DENND5B: variants seen among roughly 807,000 people sequenced by gnomAD.
The protein encoded by DENND5B is DENN domain containing 5B, also known as DENN domain-containing protein 5B.
Under a neutral mutation model 140.6 loss-of-function variants are expected in DENND5B, and 34 were observed. The ratio of observed to expected loss-of-function variants is 0.24; its 90% confidence interval spans 0.18 to 0.32. The LOEUF (loss-of-function observed/expected upper bound fraction) is 0.32. DENND5B is among the 10% of genes least tolerant of loss of function. The pLI is 1.00. For synonymous variants in DENND5B, 551 were observed against 562.1 expected (o/e 0.98, Z 0.28); for missense variants, 1,142 against 1,560.2 (o/e 0.73, Z 4.52).
chr12:31,530,244 A>G (rs1948235204), intron 1 of DENND5B, among the ~76,000 whole-genome samples: 3 of 152,126 alleles, frequency 2.0e-5, no homozygotes, highest in Non-Finnish European at 4.4e-5. Flanking sequence ...GTGGTGGCCC[A>G]TGACTGTAGT....
At chr12:31,421,493 T>A (rs1239926920) in intron 11 of DENND5B, among the ~76,000 whole-genome samples, 1 of 152,234 alleles carries the variant, frequency 6.6e-6, no homozygotes, top group East Asian at 1.9e-4. Context: ...AACTTATTAC[T>A]TAAGAATGAG....
rs190287911 is a variant in DENND5B, at chr12:31,418,573, C to T, written c.2471-3125G>A. On this transcript the variant is annotated intron_variant, in intron 11 of 20. Transcript: ENST00000389082. ...CCTCCCAAAGTGCTGGGATTATAGG[C>T]ATGAGCCATCACACCCGGCCACAGC... Among the ~76,000 whole-genome samples, 329 of 151,628 alleles carry T rather than the reference C, an allele frequency of 2.2e-3. 3 individuals are homozygous for T. The highest frequency in any genetic ancestry group is 7.5e-3 in the African/African-American group (311 of 41,322).
intron 1 of DENND5B, among the ~76,000 whole-genome samples, chr12:31,552,668 T>A (rs893763657): frequency 6.6e-6 from 1 of 152,208 alleles, no homozygotes; most frequent in Non-Finnish European, 1.5e-5. Context: ...CTACCTCTGG[T>A]AGAATTTGGC....
rs147475007 is a variant in DENND5B, at chr12:31,440,732, A to G, written c.2012+2043T>C. Among the ~76,000 whole-genome samples the G allele has an allele frequency of 9.1e-4, 139 of 152,240 alleles. 2 individuals are homozygous for G. In the East Asian group the frequency reaches 0.02, roughly 22 times the overall value. On this transcript the variant is annotated intron_variant, in intron 7 of 20. Transcript: ENST00000389082. ...TGGAATGCAGTGATGCGATCACATC[A>G]TGGCTCACTGCAGCCTAGACCTCTC...
At chr12:31,589,108 C>T (rs1592107669) in intron 1 of DENND5B, among the ~76,000 whole-genome samples, 1 of 152,320 alleles carries the variant, frequency 6.6e-6, no homozygotes, top group Non-Finnish European at 1.5e-5. Flanking sequence ...AAGAAAAATA[C>T]AGGCTTTTTT....
At position 31,407,879 on chromosome 12, in the gene DENND5B, C is replaced by G. The variant is rs1298824656; in HGVS notation, c.2803+1384G>C. Among the ~76,000 whole-genome samples the G allele has an allele frequency of 2.0e-5, 3 of 152,184 alleles. No individual in the cohort carries two copies. In the East Asian group the frequency reaches 5.8e-4, roughly 29 times the overall value. ...CTGGTTTTCAAGTTTCTGATACTTG[C>G]AGCTAAATGCAATTCCTAATTGATA... On this transcript the variant is annotated intron_variant, in intron 14 of 20. Transcript: ENST00000389082.
chr12:31,490,350 A>G (rs545285393), intron 2 of DENND5B, among the ~76,000 whole-genome samples: 59 of 152,160 alleles, frequency 3.9e-4, no homozygotes, highest in African/African-American at 1.2e-3. Flanking sequence ...CGTGGATCAC[A>G]CCTGTAATCC....
rs1944098790 is a variant in DENND5B, at chr12:31,442,875, G to C, written c.1912C>G (p.Pro638Ala). ...CCAATTTTCATATCAAGTAGATGTG[G>C]GTGGATTGCAGTGTGATCCATTTTC... is the stretch of plus-strand genomic sequence containing the variant. ...LMKMDHTAIH[P>A]HLLDMKIGQG... The change falls in exon 7 of 21, where the codon CCA becomes GCA. Residue 638 changes from proline to alanine, a missense_variant. Pro to Ala is a conservative substitution (Grantham distance 27, BLOSUM62 -1). This residue lies in a region of DENND5B where 708 missense variants were observed against 905.5 expected (regional missense o/e 0.78). Coordinates refer to ENST00000389082, the MANE Select transcript of DENND5B (RefSeq NM_144973.4). 1.2e-6 allele frequency: 2 copies of C among 1,607,698 alleles called. No homozygotes were observed. Among genetic ancestry groups the C allele is most frequent in the African/African-American group, 2.7e-5 (2 of 74,870 alleles).
At chr12:31,561,426 A>C (rs1374142301) in intron 1 of DENND5B, among the ~76,000 whole-genome samples, 8 of 152,200 alleles carry the variant, frequency 5.3e-5, no homozygotes, top group Admixed American at 5.2e-4. Context: ...AAGTTCAAGA[A>C]CAGTCTGGGC....
chr12:31,520,244 T>C (rs1395292603), intron 1 of DENND5B, among the ~76,000 whole-genome samples: 2 of 152,254 alleles, frequency 1.3e-5, no homozygotes, highest in Non-Finnish European at 2.9e-5. Context: ...ATCAGTTTCC[T>C]GCAGATATTC....
At chr12:31,548,109 C>T (rs763680815) in intron 1 of DENND5B, among the ~76,000 whole-genome samples, 19 of 151,878 alleles carry the variant, frequency 1.3e-4, no homozygotes, top group Non-Finnish European at 2.6e-4. Context: ...CATTAGAATC[C>T]AGCCAGGCAC....
At chr12:31,428,342 CA>C (rs142549648) in intron 8 of DENND5B, among the ~76,000 whole-genome samples, 39,474 of 138,798 alleles carry the variant, frequency 0.28, 5,683 homozygotes, top group Non-Finnish European at 0.34. Context: ...GACTCCATCT[CA>C]AAAAAAAAAA....
At chr12:31,529,605 G>C (rs925288113) in intron 1 of DENND5B, among the ~76,000 whole-genome samples, 1 of 151,902 alleles carries the variant, frequency 6.6e-6, no homozygotes, top group African/African-American at 2.4e-5. Flanking sequence ...TGGGGGGATC[G>C]CTTGAGCCCT....
At chr12:31,429,742 T>G (rs1943423810) in intron 8 of DENND5B, among the ~76,000 whole-genome samples, 1 of 152,074 alleles carries the variant, frequency 6.6e-6, no homozygotes. Context: ...AGTCTCACTC[T>G]GTTGCCCAGG....
At chr12:31,469,804 GTCTGGCATCTCCC>G (rs1421571608) in intron 3 of DENND5B, among the ~76,000 whole-genome samples, 1 of 152,068 alleles carries the variant, frequency 6.6e-6, no homozygotes, top group Non-Finnish European at 1.5e-5. Context: ...ATTGAAAAGA[GTCTGGCATCTCCC>G]TCCTCTCTCT....
chr12:31,538,516 G>T (rs1948579940), intron 1 of DENND5B, among the ~76,000 whole-genome samples: 1 of 152,128 alleles, frequency 6.6e-6, no homozygotes, highest in South Asian at 2.1e-4. Context: ...ATTTAATGAT[G>T]TATATTAAAG....
In DENND5B at chr12:31,481,900, G is replaced by A. The variant is rs1009727690; in HGVS notation, c.238-1645C>T. On this transcript the variant is annotated intron_variant, in intron 2 of 20. Transcript: ENST00000389082. ...GCAGCAGGAATGTCTCAGGGCCTTG[G>A]AAGGGAGTGAGAGGCTAGAGGAAGA... 1.6e-4 allele frequency among the ~76,000 whole-genome samples: 25 copies of A among 152,158 alleles called. 1 individual carries two copies. Among genetic ancestry groups the A allele is most frequent in the Non-Finnish European group, 2.9e-5 (2 of 67,998 alleles).
At chr12:31,419,975 G>A (rs377478683) in intron 11 of DENND5B, 611 of 780,462 alleles carry the variant, frequency 7.8e-4, no homozygotes, top group Admixed American at 7.6e-3. Context: ...CTCCATCTCA[G>A]AAAAAAAAAA....
chr12:31,445,868 G>C (rs766508729), intron 6 of DENND5B, among the ~76,000 whole-genome samples: 6 of 151,684 alleles, frequency 4.0e-5, no homozygotes, highest in Non-Finnish European at 8.8e-5. Flanking sequence ...AATTACCCGA[G>C]GGTGGTGGCA....
Sources: gnomAD v4.1 joint callset for allele counts (sites outside exome capture counted in the v4.1 genomes callset) on GRCh38, gnomAD v4.1.1 for gene constraint, gnomAD v4.1.1 regional missense constraint, MANE v1.5 for transcripts, NCBI Gene and HGNC (gene_info 2026-07-23, HGNC 2026-07-21) for gene names.